The following RAB27B variants were observed in gnomAD, a reference collection of about 807,000 sequenced individuals.
The protein encoded by RAB27B is ras-related protein Rab-27B.
RAB27B carries 15 observed loss-of-function variants against 24.6 expected under a neutral mutation model. That is an observed-to-expected ratio of 0.61 (90% CI 0.41 to 0.94). The LOEUF (loss-of-function observed/expected upper bound fraction) is 0.94, where lower values mean the gene tolerates loss of function less well. Ranked by LOEUF, RAB27B falls within the 40% of genes least tolerant of loss-of-function variation. The pLI is 0.00. For synonymous variants in RAB27B, 105 were observed against 92.5 expected, an observed-to-expected ratio of 1.14 and a Z score of -0.78; for missense variants, 261 against 266.8, an observed-to-expected ratio of 0.98 and a Z score of 0.15.
At chr18:54,808,159 T>G (rs1353734123) in intron 2 of RAB27B, among the ~76,000 whole-genome samples, 1 of 152,234 alleles carries the variant, frequency 6.6e-6, no homozygotes, top group Non-Finnish European at 1.5e-5. Context: ...TACATATTGT[T>G]TGTAATCCTC....
intron 2 of RAB27B, among the ~76,000 whole-genome samples, chr18:54,802,689 G>T (rs184579887): frequency 6.6e-6 from 1 of 152,208 alleles, no homozygotes; most frequent in Admixed American, 6.5e-5. Flanking sequence ...GTTTAAACAT[G>T]TAAGCTCAAT....
chr18:54,850,441 G>A (rs921364087), intron 1 of RAB27B, among the ~76,000 whole-genome samples: 9 of 148,624 alleles, frequency 6.1e-5, no homozygotes, highest in Admixed American at 1.4e-4. Flanking sequence ...GTGCAATCTC[G>A]GCTCACTGCA....
intron 2 of RAB27B, among the ~76,000 whole-genome samples, chr18:54,803,661 T>C (rs1041321477): frequency 6.6e-6 from 1 of 152,038 alleles, no homozygotes; most frequent in Non-Finnish European, 1.5e-5. Context: ...TAGAGACAAA[T>C]AGAAGTGAAC....
intron 1 of RAB27B, among the ~76,000 whole-genome samples, chr18:54,864,476 A>G (rs745890408): frequency 1.3e-5 from 2 of 150,704 alleles, no homozygotes; most frequent in Non-Finnish European, 3.0e-5. Context: ...CATGGTGTCT[A>G]TTGAAGCACA....
At chr18:54,778,622 A>G (rs1052964770) in intron 2 of RAB27B, among the ~76,000 whole-genome samples, 1 of 152,186 alleles carries the variant, frequency 6.6e-6, no homozygotes, top group African/African-American at 2.4e-5. Context: ...GTAAATGCTC[A>G]GTAAATTGAA....
chr18:54,748,832 C>T (rs956346840), intron 2 of RAB27B, among the ~76,000 whole-genome samples: 13 of 152,060 alleles, frequency 8.5e-5, no homozygotes. Flanking sequence ...GAAGCCATAC[C>T]CAAAGTATGA....
intron 2 of RAB27B, among the ~76,000 whole-genome samples, chr18:54,814,645 G>C (rs139355191): frequency 3.9e-5 from 6 of 152,006 alleles, no homozygotes; most frequent in Admixed American, 2.0e-4. Flanking sequence ...TGATAAAAAG[G>C]CAAGGTTTGT....
chr18:54,800,990 A>G (rs1909582734), intron 2 of RAB27B, among the ~76,000 whole-genome samples: 1 of 146,390 alleles, frequency 6.8e-6, no homozygotes, highest in Non-Finnish European at 1.5e-5. Flanking sequence ...TGAATTTTTA[A>G]ATTTGTTTTG....
At chr18:54,764,503 A>G (rs1479421218) in intron 2 of RAB27B, among the ~76,000 whole-genome samples, 2 of 152,318 alleles carry the variant, frequency 1.3e-5, no homozygotes, top group Middle Eastern at 3.4e-3. Flanking sequence ...AATCATATCC[A>G]TATCTCATTT....
At chr18:54,860,312 T>C (rs1260975241) in intron 1 of RAB27B, among the ~76,000 whole-genome samples, 1 of 152,166 alleles carries the variant, frequency 6.6e-6, no homozygotes, top group Non-Finnish European at 1.5e-5. Flanking sequence ...CTTTCCATGA[T>C]ACCATTGACA....
intron 2 of RAB27B, among the ~76,000 whole-genome samples, chr18:54,812,084 A>G (rs758719482): frequency 1.2e-4 from 19 of 152,208 alleles, no homozygotes; most frequent in Non-Finnish European, 2.6e-4. Context: ...TAATGTCAAA[A>G]TATCTGTTGT....
chr18:54,798,056 AC>A (rs775477788), intron 2 of RAB27B, among the ~76,000 whole-genome samples: 3 of 152,006 alleles, frequency 2.0e-5, no homozygotes, highest in Non-Finnish European at 4.4e-5. Flanking sequence ...TAATGCAAGA[AC>A]CGCCGTCTAT....
rs186456310 is a variant in RAB27B, at chr18:54,758,175, G to A, written c.-20+40034G>A. Among the ~76,000 whole-genome samples the A allele has an allele frequency of 2.9e-3, 446 of 152,148 alleles. 6 individuals are homozygous for A. The highest frequency in any genetic ancestry group is 0.028 in the South Asian group (135 of 4,812). On this transcript the variant is annotated intron_variant, in intron 2 of 4. Coordinates refer to the RAB27B transcript ENST00000586570. The stretch of plus-strand genomic sequence containing the variant: ...AAGTGTTTTTCAATTCAATATCTAG[G>A]TAGAGGTATGACAATTAAGATTGTT...
At chr18:54,800,881 A>G (rs561150486) in intron 2 of RAB27B, among the ~76,000 whole-genome samples, 2 of 152,256 alleles carry the variant, frequency 1.3e-5, no homozygotes, top group African/African-American at 4.8e-5. Context: ...ATCAGCTCAT[A>G]TATAATAAGT....
chr18:54,847,537 T>G (rs1004600710), intron 1 of RAB27B, among the ~76,000 whole-genome samples: 1 of 152,226 alleles, frequency 6.6e-6, no homozygotes, highest in East Asian at 1.9e-4. Flanking sequence ...TGACGTTAGA[T>G]GTATCTGAAA....
At chr18:54,882,925 A>G (rs1371659067) in intron 3 of RAB27B, among the ~76,000 whole-genome samples, 1 of 152,152 alleles carries the variant, frequency 6.6e-6, no homozygotes, top group Non-Finnish European at 1.5e-5. Flanking sequence ...CCCAAACAAA[A>G]CTGGACACGG....
chr18:54,799,648 T>A lies in RAB27B; in HGVS notation c.-19-77919T>A, dbSNP rs1472704668. On this transcript the variant is annotated intron_variant, in intron 2 of 4. Coordinates refer to the RAB27B transcript ENST00000586570. ...TTTTTTTTTTTTTTTTTTTTTTTTT[T>A]AGACAGAGTCTTGCTCTGCCACCCA... 1.8e-4 allele frequency among the ~76,000 whole-genome samples: 17 copies of A among 93,454 alleles called. No homozygotes were observed. In the East Asian group the frequency reaches 2.3e-3, roughly 13 times the overall value. 61.3% of individuals were successfully genotyped at this position (93,454 alleles called of 152,430 possible). A position where few individuals can be genotyped will look rare whatever the true frequency, so the allele number is the denominator to read the frequency against.
intron 2 of RAB27B, among the ~76,000 whole-genome samples, chr18:54,767,648 A>C (rs1908406992): frequency 6.6e-6 from 1 of 152,190 alleles, no homozygotes; most frequent in South Asian, 2.1e-4. Context: ...TTCAGTGTTT[A>C]TCTTATTTAA....
At chr18:54,768,426 T>G in intron 2 of RAB27B, among the ~76,000 whole-genome samples, 1 of 152,142 alleles carries the variant, frequency 6.6e-6, no homozygotes, top group African/African-American at 2.4e-5. Flanking sequence ...AACTTGCAAC[T>G]TTTTTTCCTA....
Sources: gnomAD v4.1 joint callset for allele counts (sites outside exome capture counted in the v4.1 genomes callset) on GRCh38, gnomAD v4.1.1 for gene constraint, MANE v1.5 for transcripts, NCBI Gene and HGNC (gene_info 2026-07-23, HGNC 2026-07-21) for gene names.